The following PSD3 variants were observed in gnomAD, a reference collection of about 807,000 sequenced individuals.
PSD3 encodes the protein PH and SEC7 domain-containing protein 3.
Under a neutral mutation model 105.5 loss-of-function variants are expected in PSD3, and 49 were observed. That is an observed-to-expected ratio of 0.46 (90% confidence interval 0.37 to 0.59). PSD3 has a LOEUF of 0.59. PSD3 is among the 20% of genes least tolerant of loss of function. The probability of loss-of-function intolerance (pLI) is 0.00; values close to 1 mark genes in which losing one functional copy is unlikely to be tolerated. For missense variants in PSD3, 1,561 were observed against 1,263.8 expected, an observed-to-expected ratio of 1.24 and a Z score of -3.57; for synonymous variants, 557 against 457.8, an observed-to-expected ratio of 1.22 and a Z score of -2.77.
At chr8:18,772,632 C>T (rs192580946) in intron 8 of PSD3, among the ~76,000 whole-genome samples, 2 of 152,244 alleles carry the variant, frequency 1.3e-5, no homozygotes, top group African/African-American at 2.4e-5. Context: ...ACTCGGCCTC[C>T]CAAGTAGCTG....
intron 1 of PSD3, among the ~76,000 whole-genome samples, chr8:19,077,368 A>G (rs190038420): frequency 1.8e-4 from 27 of 152,336 alleles, no homozygotes; most frequent in African/African-American, 6.3e-4. Context: ...GTTAAATTCT[A>G]AAAAGTTAAA....
At chr8:18,908,784 G>T (rs1223726599) in intron 2 of PSD3, among the ~76,000 whole-genome samples, 1 of 152,170 alleles carries the variant, frequency 6.6e-6, no homozygotes, top group East Asian at 1.9e-4. Context: ...GCAATGACTA[G>T]CAATATTGGG....
At chr8:19,058,119 T>G (rs1828771141) in intron 1 of PSD3, among the ~76,000 whole-genome samples, 1 of 152,214 alleles carries the variant, frequency 6.6e-6, no homozygotes, top group Non-Finnish European at 1.5e-5. Flanking sequence ...GAACAAACTG[T>G]TGATACATGA....
intron 15 of PSD3, among the ~76,000 whole-genome samples, chr8:18,541,845 G>A (rs1282433095): frequency 1.3e-5 from 2 of 151,508 alleles, no homozygotes; most frequent in Non-Finnish European, 2.9e-5. Flanking sequence ...CTGCCTCCCA[G>A]GTTCAAGCCA....
chr8:18,938,161 T>C (rs1391012129), intron 1 of PSD3, among the ~76,000 whole-genome samples: 1 of 152,242 alleles, frequency 6.6e-6, no homozygotes, highest in African/African-American at 2.4e-5. Flanking sequence ...AAAGATCATA[T>C]GGGTGTTATA....
chr8:18,613,291 T>G (rs763368481), intron 11 of PSD3, among the ~76,000 whole-genome samples: 1 of 151,964 alleles, frequency 6.6e-6, no homozygotes, highest in African/African-American at 2.4e-5. Context: ...ATAACGCCCA[T>G]CTGCACATTG....
At chr8:18,962,847 G>A (rs1406963052) in intron 1 of PSD3, among the ~76,000 whole-genome samples, 1 of 152,156 alleles carries the variant, frequency 6.6e-6, no homozygotes, top group Non-Finnish European at 1.5e-5. Context: ...CTCCTATCTT[G>A]CAGATAAGGA....
rs1563401823 is a variant in PSD3 at position 18,632,695 on chromosome 8, G to A, written c.2328C>T (p.Asp776=). 1 of 1,612,708 alleles carries A rather than the reference G, an allele frequency of 6.2e-7. No individual in the cohort carries two copies. The highest frequency in any genetic ancestry group is 8.5e-7 in the Non-Finnish European group (1 of 1,179,066). ...RIGSTTNPFL[D]IPHDPNAAVY... is the part of the protein sequence containing the mutation. Reference sequence around the variant, plus strand: ...CAGCAGCATTTGGATCATGAGGAATGTCCAAAAATGGGTTAGTAGTACTTC... The same window carrying A: ...CAGCAGCATTTGGATCATGAGGAATATCCAAAAATGGGTTAGTAGTACTTC... Residue 776 remains aspartate, a synonymous_variant, in exon 11 of 16, where the codon GAC becomes GAT. Transcript: ENST00000327040.
intron 10 of PSD3, among the ~76,000 whole-genome samples, chr8:18,638,901 C>T (rs1807453057): frequency 1.3e-5 from 2 of 152,118 alleles, no homozygotes; most frequent in Non-Finnish European, 2.9e-5. Flanking sequence ...AAAAAAATCC[C>T]AAGTAGCTAA....
chr8:18,937,244 C>T (rs1822198975), intron 1 of PSD3, among the ~76,000 whole-genome samples: 1 of 152,102 alleles, frequency 6.6e-6, no homozygotes, highest in Non-Finnish European at 1.5e-5. Context: ...TCAGGGACGC[C>T]TTCTTTTGCC....
chr8:18,755,429 C>CAAAATAACATAACAT (rs1554490326), intron 9 of PSD3, among the ~76,000 whole-genome samples: 1,507 of 136,886 alleles, frequency 0.011, 39 homozygotes, highest in African/African-American at 0.03. Context: ...GACCCTGTCT[C>CAAAATAACATAACAT]AACATAACAT....
chr8:18,840,242 C>T (rs1563332620), intron 4 of PSD3, among the ~76,000 whole-genome samples: 2 of 152,166 alleles, frequency 1.3e-5, no homozygotes, highest in Admixed American at 1.3e-4. Context: ...GCCTCAAACC[C>T]TCAATCACTC....
At chr8:19,030,675 G>C (rs58115158) in intron 1 of PSD3, among the ~76,000 whole-genome samples, 16,855 of 152,082 alleles carry the variant, frequency 0.11, 1,148 homozygotes, top group East Asian at 0.23. Flanking sequence ...ACAGTCTACA[G>C]AACTGTGAAC....
At chr8:18,648,344 G>C (rs1014838442) in intron 10 of PSD3, among the ~76,000 whole-genome samples, 5 of 152,220 alleles carry the variant, frequency 3.3e-5, no homozygotes, top group African/African-American at 1.2e-4. Flanking sequence ...AACTTATTGG[G>C]AACTAAAGCA....
intron 1 of PSD3, among the ~76,000 whole-genome samples, chr8:18,980,081 T>A (rs530429335): frequency 3.2e-4 from 49 of 152,002 alleles, no homozygotes; most frequent in Non-Finnish European, 6.2e-4. Context: ...CTGCAAAGAG[T>A]TTACAATCTC....
At chr8:18,988,484 G>T (rs1455710766) in intron 1 of PSD3, among the ~76,000 whole-genome samples, 1 of 152,128 alleles carries the variant, frequency 6.6e-6, no homozygotes. Flanking sequence ...GCATTTCTAG[G>T]CCATTGCCCT....
chr8:18,546,683 T>C (rs181357534), intron 15 of PSD3, among the ~76,000 whole-genome samples: 64 of 152,322 alleles, frequency 4.2e-4, no homozygotes, highest in African/African-American at 1.4e-3. Context: ...AAGTACATAA[T>C]ACATTATTAT....
chr8:18,957,434 G>A (rs1823646374), intron 1 of PSD3, among the ~76,000 whole-genome samples: 1 of 151,626 alleles, frequency 6.6e-6, no homozygotes, highest in South Asian at 2.1e-4. Context: ...TGTGAGCAAT[G>A]ACTTCAACTC....
chr8:18,536,484 A>C (rs77054741), intron 15 of PSD3, among the ~76,000 whole-genome samples: 1,937 of 152,316 alleles, frequency 0.013, 35 homozygotes, highest in South Asian at 0.06. Flanking sequence ...TCAGTCCCCT[A>C]TGAGACCATA....
Sources: allele counts gnomAD v4.1 joint callset (sites outside exome capture counted in the v4.1 genomes callset), GRCh38; gene constraint gnomAD v4.1.1; transcripts MANE v1.5; gene names NCBI Gene and HGNC (gene_info 2026-07-23, HGNC 2026-07-21).